The following TSC22D1 variants were observed in gnomAD, a reference collection of about 807,000 sequenced individuals.
TSC22D1 encodes the protein TSC22 domain family member 1.
A neutral mutation model predicts 74.2 loss-of-function variants in TSC22D1; 9 were observed. That is an observed-to-expected ratio of 0.12 (90% CI 0.07 to 0.21). The LOEUF (loss-of-function observed/expected upper bound fraction) is 0.21. Among genes scored for constraint, TSC22D1 ranks in the 10% least tolerant of loss-of-function variants. The pLI, the probability that TSC22D1 is intolerant of heterozygous loss-of-function variation, is 1.00. For missense variants in TSC22D1, 1,427 were observed against 1,304.7 expected, an observed-to-expected ratio of 1.09 and a Z score of -1.44; for synonymous variants, 586 against 492.5, an observed-to-expected ratio of 1.19 and a Z score of -2.51.
chr13:44,556,885 T>G (rs1397665162), intron 1 of TSC22D1, among the ~76,000 whole-genome samples: 1 of 152,166 alleles, frequency 6.6e-6, no homozygotes, highest in Non-Finnish European at 1.5e-5. Flanking sequence ...GTCTCACACC[T>G]GTAATCCCAG....
At position 44,573,326 on chromosome 13, in the gene TSC22D1, C is replaced by T; in HGVS notation, c.2749G>A (p.Ala917Thr). The T allele has an allele frequency of 6.2e-7, 1 of 1,614,264 alleles. No individual in the cohort carries two copies. Among genetic ancestry groups the T allele is most frequent in the Non-Finnish European group, 8.5e-7 (1 of 1,180,046 alleles). ...GSQIEDARRA[A>T]EPSLVGLPQT... ...GGTAAGCCAACTAAGGAGGGCTCCGCTGCACGCCTGGCATCTTCAATTTGG... is the reference window on the plus strand; with the variant it reads ...GGTAAGCCAACTAAGGAGGGCTCCGTTGCACGCCTGGCATCTTCAATTTGG... Residue 917 changes from alanine to threonine, a missense_variant, in exon 1 of 3, where the codon GCG (alanine) becomes ACG (threonine). Coordinates refer to ENST00000458659, the MANE Select transcript of TSC22D1 (RefSeq NM_183422.4).
upstream of TSC22D1, chr13:44,576,404 A>T (rs188505495): frequency 7.9e-3 from 1,971 of 250,210 alleles, 9 homozygotes; most frequent in Non-Finnish European, 0.011. Flanking sequence ...GGGAGAGCGC[A>T]GGAAGGGGAG....
At chr13:44,558,849 T>C (rs1192786397) in intron 1 of TSC22D1, among the ~76,000 whole-genome samples, 1 of 152,214 alleles carries the variant, frequency 6.6e-6, no homozygotes, top group East Asian at 1.9e-4. Flanking sequence ...GATTCAGAGA[T>C]GGAGGTAGGA....
intron 1 of TSC22D1, among the ~76,000 whole-genome samples, chr13:44,461,374 G>A (rs1189120979): frequency 2.6e-5 from 4 of 152,162 alleles, no homozygotes; most frequent in South Asian, 2.1e-4. Context: ...TAGTCCAGAA[G>A]GGGTGGTAGA....
At chr13:44,457,864 GA>G (rs1342080252) in intron 1 of TSC22D1, among the ~76,000 whole-genome samples, 10 of 152,152 alleles carry the variant, frequency 6.6e-5, no homozygotes, top group Non-Finnish European at 1.5e-4. Context: ...CAGTGATACA[GA>G]AGCTAACTGA....
intron 1 of TSC22D1, among the ~76,000 whole-genome samples, chr13:44,447,799 A>G (rs1875801616): frequency 6.7e-6 from 1 of 150,132 alleles, no homozygotes; most frequent in Admixed American, 6.6e-5. Context: ...TTCCAAAAGA[A>G]TATCTATAAT....
chr13:44,541,822 C>T (rs1325687448), intron 1 of TSC22D1, among the ~76,000 whole-genome samples: 4 of 152,044 alleles, frequency 2.6e-5, no homozygotes, highest in Admixed American at 1.3e-4. Flanking sequence ...TAAGGAGTGG[C>T]TCTTTAACAG....
At chr13:44,539,528 T>A in intron 1 of TSC22D1, 1 of 985,420 alleles carries the variant, frequency 1.0e-6, no homozygotes, top group Non-Finnish European at 1.2e-6. Flanking sequence ...GTGGACTACA[T>A]AGGCATTCGT....
chr13:44,489,984 T>C (rs1878625063), intron 1 of TSC22D1, among the ~76,000 whole-genome samples: 1 of 152,176 alleles, frequency 6.6e-6, no homozygotes, highest in Non-Finnish European at 1.5e-5. Context: ...TGGCAGTATC[T>C]ACTCAAGACG....
intron 1 of TSC22D1, among the ~76,000 whole-genome samples, chr13:44,459,255 GAA>G (rs1876859134): frequency 6.6e-6 from 1 of 152,206 alleles, no homozygotes; most frequent in Non-Finnish European, 1.5e-5. Flanking sequence ...GACTTGTGGG[GAA>G]TGACCTGCCT....
intron 1 of TSC22D1, among the ~76,000 whole-genome samples, chr13:44,496,064 A>G (rs544667038): frequency 1.4e-3 from 217 of 152,364 alleles, no homozygotes; most frequent in African/African-American, 4.9e-3. Context: ...TGTGAATTGT[A>G]TAAGAGACTT....
intron 1 of TSC22D1, among the ~76,000 whole-genome samples, chr13:44,534,728 G>T (rs1881049033): frequency 6.6e-6 from 1 of 152,116 alleles, no homozygotes; most frequent in African/African-American, 2.4e-5. Context: ...AACATTTACA[G>T]AATTCCTTAA....
chr13:44,548,372 C>T (rs997909698), intron 1 of TSC22D1, among the ~76,000 whole-genome samples: 1 of 152,198 alleles, frequency 6.6e-6, no homozygotes, highest in Non-Finnish European at 1.5e-5. Context: ...AGACACGTCA[C>T]TGCACTCCAG....
intron 1 of TSC22D1, among the ~76,000 whole-genome samples, chr13:44,442,203 C>T (rs921514673): frequency 2.0e-5 from 3 of 152,206 alleles, no homozygotes; most frequent in Non-Finnish European, 4.4e-5. Context: ...ACTTAATTTT[C>T]TCTCAAAACA....
At chr13:44,454,515 C>G (rs1381825130) in intron 1 of TSC22D1, among the ~76,000 whole-genome samples, 2 of 152,158 alleles carry the variant, frequency 1.3e-5, no homozygotes, top group Admixed American at 1.3e-4. Context: ...ACACCAGGGG[C>G]AATTCTTCTC....
chr13:44,569,245 A>G (rs1883584704), intron 1 of TSC22D1, among the ~76,000 whole-genome samples: 2 of 152,222 alleles, frequency 1.3e-5, no homozygotes, highest in Non-Finnish European at 2.9e-5. Context: ...ACATAAAACT[A>G]GTAAATGACA....
intron 1 of TSC22D1, among the ~76,000 whole-genome samples, chr13:44,552,813 CCT>C (rs1336072231): frequency 6.6e-6 from 1 of 152,026 alleles, no homozygotes; most frequent in African/African-American, 2.4e-5. Flanking sequence ...ATGGTGAAAC[CCT>C]GTCTCTACTA....
rs139445013 is a variant in TSC22D1 at position 44,574,710 on chromosome 13, C to A, written c.1365G>T (p.Pro455=). 21 of 1,614,106 alleles carry A rather than the reference C, an allele frequency of 1.3e-5. No individual in the cohort carries two copies. The highest frequency in any genetic ancestry group is 1.8e-5 in the Non-Finnish European group (21 of 1,180,038). Residue 455 remains proline (P), a synonymous_variant, in exon 1 of 3, where the codon CCG becomes CCT. Coordinates refer to ENST00000458659, the MANE Select transcript of TSC22D1 (RefSeq NM_183422.4). ...TCTCCCTTTCAGAAGTCACTTCTATCGGATTTTGCTTTACAGTCTCCACCA... is the reference window on the plus strand; with the variant it reads ...TCTCCCTTTCAGAAGTCACTTCTATAGGATTTTGCTTTACAGTCTCCACCA... ...NKVVETVKQN[P]IEVTSEREST...
Position 44,448,966 on chromosome 13 carries a change from C to A in TSC22D1, c.2913-12871G>T, listed in dbSNP as rs1351385323. On this transcript the variant is annotated intron_variant, in intron 1 of 2. Transcript: ENST00000458659. ...AGGGACCATAAAGTGAAATGCCCTT[C>A]TGCTGATCTCAACGGAGCCACAGTA... Among the ~76,000 whole-genome samples the A allele has an allele frequency of 2.6e-5, 4 of 152,056 alleles. No homozygotes were observed. The East Asian group carries it at 7.7e-4, about 29-fold the overall frequency.
Sources: allele counts gnomAD v4.1 joint callset (sites outside exome capture counted in the v4.1 genomes callset), GRCh38; gene constraint gnomAD v4.1.1; transcripts MANE v1.5; gene names NCBI Gene and HGNC (gene_info 2026-07-23, HGNC 2026-07-21).